Variants in FAT3 observed in about 807,000 individuals in gnomAD.
FAT3 encodes the protein FAT atypical cadherin 3.
FAT3 carries 95 observed loss-of-function variants against 310.2 expected under a neutral mutation model. The observed-to-expected ratio is 0.31, with a 90% CI of 0.26 to 0.36. The LOEUF is 0.36. Ranked by LOEUF, FAT3 falls within the 10% of genes least tolerant of loss-of-function variation. The pLI is 1.00. For synonymous variants in FAT3, 2,314 were observed against 2,192.9 expected, an observed-to-expected ratio of 1.06 and a Z score of -1.54; for missense variants, 5,408 against 5,715.6, an observed-to-expected ratio of 0.95 and a Z score of 1.74.
chr11:92,652,725 A>C (rs1233730533), intron 3 of FAT3, among the ~76,000 whole-genome samples: 1 of 152,170 alleles, frequency 6.6e-6, no homozygotes, highest in Non-Finnish European at 1.5e-5. Flanking sequence ...TGGTATGTGT[A>C]TGTGTGTATC....
At chr11:92,366,131 C>T (rs557472803) in intron 2 of FAT3, among the ~76,000 whole-genome samples, 1 of 152,090 alleles carries the variant, frequency 6.6e-6, no homozygotes, top group East Asian at 1.9e-4. Flanking sequence ...AGGAGCAGAT[C>T]GGCTCTCTTG....
chr11:92,819,702 C>T (rs1947910941), intron 13 of FAT3, among the ~76,000 whole-genome samples: 1 of 152,082 alleles, frequency 6.6e-6, no homozygotes, highest in African/African-American at 2.4e-5. Context: ...TATTAAATAA[C>T]AAAATCTAGT....
rs376024212 is a variant in FAT3 at position 92,844,507 on chromosome 11, A to G, written c.11140A>G (p.Lys3714Glu). 1.4e-5 allele frequency: 22 copies of G among 1,613,852 alleles called. No individual in the cohort carries two copies. Among genetic ancestry groups the G allele is most frequent in the Non-Finnish European group, 1.9e-5 (22 of 1,179,874 alleles). Residue 3714 changes from lysine (K) to glutamate (E), a missense_variant, in exon 19 of 28, where the codon AAG (lysine) becomes GAG (glutamate). Lys to Glu is a moderately conservative substitution (Grantham distance 56, BLOSUM62 1). Around this residue, in one of 5 missense-constraint regions of FAT3, gnomAD observed 4,588 missense variants for 4,809.8 expected, o/e 0.95. Transcript: ENST00000525166. ...AVEMHSSEFY[K>E]PAYLIQKLSN... ...GGAGATGCACAGCAGCGAGTTCTACAAGCCAGCCTACCTGATCCAGAAGCT... is the reference window on the plus strand; with the variant it reads ...GGAGATGCACAGCAGCGAGTTCTACGAGCCAGCCTACCTGATCCAGAAGCT...
chr11:92,475,213 G>A (rs1195502260), intron 2 of FAT3, among the ~76,000 whole-genome samples: 2 of 152,122 alleles, frequency 1.3e-5, no homozygotes, highest in Non-Finnish European at 2.9e-5. Flanking sequence ...TCTCTTGTCT[G>A]GGAAATTCTG....
intron 2 of FAT3, among the ~76,000 whole-genome samples, chr11:92,463,029 C>T (rs1315755294): frequency 1.3e-5 from 2 of 152,228 alleles, no homozygotes; most frequent in Non-Finnish European, 2.9e-5. Context: ...GCACAAGCCC[C>T]ATGCTCAGCG....
chr11:92,432,097 C>T (rs918110331), intron 2 of FAT3, among the ~76,000 whole-genome samples: 7 of 152,232 alleles, frequency 4.6e-5, no homozygotes, highest in African/African-American at 1.4e-4. Context: ...GCAGTATGGC[C>T]ATTTTCACAA....
At chr11:92,392,602 TAGC>T (rs1358213238) in intron 2 of FAT3, among the ~76,000 whole-genome samples, 1 of 152,180 alleles carries the variant, frequency 6.6e-6, no homozygotes, top group Non-Finnish European at 1.5e-5. Context: ...TACTGTAATG[TAGC>T]ACATTGCACA....
At chr11:92,612,594 A>G (rs896139518) in intron 3 of FAT3, among the ~76,000 whole-genome samples, 7 of 152,228 alleles carry the variant, frequency 4.6e-5, no homozygotes, top group African/African-American at 1.7e-4. Context: ...AGTAACACAA[A>G]TTGTGCTGGA....
intron 1 of FAT3, among the ~76,000 whole-genome samples, chr11:92,293,524 A>G (rs1946760231): frequency 1.8e-5 from 1 of 54,118 alleles, no homozygotes; most frequent in Non-Finnish European, 3.7e-5. Context: ...ATATATATAT[A>G]TATATATATA....
In FAT3 at chr11:92,509,703, T is replaced by C. The variant is rs538444691; in HGVS notation, c.3293-14931T>C. Among the ~76,000 whole-genome samples the C allele has an allele frequency of 1.1e-4, 16 of 152,292 alleles. No individual in the cohort carries two copies. The East Asian group carries it at 2.9e-3, about 28-fold the overall frequency. On this transcript the variant is annotated intron_variant, in intron 2 of 27. Transcript: ENST00000525166. ...GTTATTAATGCGGAAAGATGTTCCA[T>C]GTACAATGGTGAGAATATATTAAGG...
At chr11:92,438,492 C>T (rs1950996147) in intron 2 of FAT3, among the ~76,000 whole-genome samples, 1 of 152,156 alleles carries the variant, frequency 6.6e-6, no homozygotes, top group Non-Finnish European at 1.5e-5. Flanking sequence ...ATGTGCAATT[C>T]TGTAGTATTA....
chr11:92,435,528 T>TCTTTCTTTCCCTTCCTTCCTTC lies in FAT3; in HGVS notation c.3292+80133_3292+80154dup. On this transcript the variant is annotated intron_variant, in intron 2 of 27. Coordinates refer to ENST00000525166, the MANE Select transcript of FAT3 (RefSeq NM_001367949.2). ...CTTCCTTCCTTCCTTCCTTTCTCTTTCTTTCTTTCCCTTCCTTCCTTCCTT... is the reference window on the plus strand; with the variant it reads ...CTTCCTTCCTTCCTTCCTTTCTCTTTCTTTCTTTCCCTTCCTTCCTTCCTTTCTTTCCCTTCCTTCCTTCCTT... 6.0e-5 allele frequency among the ~76,000 whole-genome samples: 9 copies of TCTTTCTTTCCCTTCCTTCCTTC among 149,690 alleles called. No individual in the cohort carries two copies. In the South Asian group the frequency reaches 1.7e-3, roughly 29 times the overall value.
chr11:92,618,110 A>G (rs990784936), intron 3 of FAT3, among the ~76,000 whole-genome samples: 2 of 152,208 alleles, frequency 1.3e-5, no homozygotes, highest in Non-Finnish European at 2.9e-5. Flanking sequence ...GCAGGCCTCC[A>G]TGAGCTGCGG....
chr11:92,598,307 G>T (rs1448141647), intron 3 of FAT3, among the ~76,000 whole-genome samples: 1 of 148,408 alleles, frequency 6.7e-6, no homozygotes, highest in African/African-American at 2.5e-5. Context: ...GCTTATTTCA[G>T]CCTTGTATCC....
At chr11:92,290,219 G>C (rs1188063001) in intron 1 of FAT3, among the ~76,000 whole-genome samples, 1 of 151,778 alleles carries the variant, frequency 6.6e-6, no homozygotes. Context: ...TCTCTCTATA[G>C]TCCTTTGCAT....
chr11:92,695,701 A>G (rs1307792307), intron 3 of FAT3, among the ~76,000 whole-genome samples: 1 of 152,228 alleles, frequency 6.6e-6, no homozygotes, highest in Non-Finnish European at 1.5e-5. Flanking sequence ...CTAGGTAGGC[A>G]TCAGAGTTTC....
chr11:92,341,758 T>C (rs1188767268), intron 1 of FAT3, among the ~76,000 whole-genome samples: 1 of 152,188 alleles, frequency 6.6e-6, no homozygotes, highest in Non-Finnish European at 1.5e-5. Flanking sequence ...TCTTTTCCTT[T>C]TTGAGTTCAT....
At chr11:92,653,045 G>A (rs1388538111) in intron 3 of FAT3, among the ~76,000 whole-genome samples, 4 of 152,174 alleles carry the variant, frequency 2.6e-5, no homozygotes, top group African/African-American at 9.7e-5. Context: ...TGTAACCTCA[G>A]CTACTTGATA....
At chr11:92,461,725 G>A (rs1358408884) in intron 2 of FAT3, among the ~76,000 whole-genome samples, 1 of 152,144 alleles carries the variant, frequency 6.6e-6, no homozygotes, top group Non-Finnish European at 1.5e-5. Flanking sequence ...AGGGAAGAGG[G>A]CCAGAGTCAG....
Sources: allele counts gnomAD v4.1 joint callset (sites outside exome capture counted in the v4.1 genomes callset), GRCh38; gene constraint gnomAD v4.1.1; regional missense constraint gnomAD v4.1.1; transcripts MANE v1.5; gene names NCBI Gene and HGNC (gene_info 2026-07-23, HGNC 2026-07-21).